Variants in RBM6 observed in about 807,000 individuals in gnomAD.
RBM6 encodes the protein RNA binding motif protein 6.
RBM6 carries 23 observed loss-of-function variants against 140.4 expected under a neutral mutation model. The observed-to-expected ratio is 0.16, with a 90% CI of 0.12 to 0.23. The LOEUF is 0.23. Among genes scored for constraint, RBM6 ranks in the 10% least tolerant of loss-of-function variants. RBM6 has a pLI of 1.00. For missense variants in RBM6, 1,139 were observed against 1,386.7 expected, an observed-to-expected ratio of 0.82 and a Z score of 2.84; for synonymous variants, 439 against 475.6, an observed-to-expected ratio of 0.92 and a Z score of 1.00.
At chr3:49,942,114 A>T (rs1406715796) in intron 1 of RBM6, among the ~76,000 whole-genome samples, 1 of 149,702 alleles carries the variant, frequency 6.7e-6, no homozygotes, top group Non-Finnish European at 1.5e-5. Flanking sequence ...AAAAAAAATC[A>T]ATTAAATAAA....
rs1308326489 is a variant in RBM6, at chr3:50,040,464, AAAAAAAAAT to A, written c.1558-7779_1558-7771del. Among the ~76,000 whole-genome samples the A allele has an allele frequency of 9.7e-4, 51 of 52,646 alleles. No individual in the cohort carries two copies. In the East Asian group the frequency reaches 0.017, roughly 17 times the overall value. 34.5% of individuals were successfully genotyped at this position (52,646 alleles called of 152,430 possible). A position where few individuals can be genotyped will look rare whatever the true frequency, so the allele number is the denominator to read the frequency against. Reference sequence around the variant, plus strand: ...CCTTCTCAAAAAAAAAAAAAAAAAAAAAAAAAAATATATATATATATATATATATACACA... The same window carrying A: ...CCTTCTCAAAAAAAAAAAAAAAAAAAATATATATATATATATATATACACA... On this transcript the variant is annotated intron_variant, in intron 6 of 20. Transcript: ENST00000266022.
chr3:50,059,595 T>C lies in RBM6; in HGVS notation c.2131-54T>C, dbSNP rs759390589. The C allele has an allele frequency of 3.5e-6, 5 of 1,443,382 alleles. No homozygotes were observed. The African/African-American group carries it at 4.3e-5, about 12-fold the overall frequency. 89.4% of individuals were successfully genotyped at this position (1,443,382 alleles called of 1,614,324 possible). On this transcript the variant is annotated intron_variant, in intron 10 of 20. Transcript: ENST00000266022. ...TCTCTTTCAAAGGAGAATTTTTCTG[T>C]CTTTGGGTTCTGGCATTTTCTGTCT...
At chr3:50,011,634 T>C (rs1229714352) in intron 6 of RBM6, among the ~76,000 whole-genome samples, 1 of 152,134 alleles carries the variant, frequency 6.6e-6, no homozygotes, top group Non-Finnish European at 1.5e-5. Context: ...TCAAGCAGCA[T>C]TGACACTATG....
chr3:50,035,552 G>T (rs556574108), intron 6 of RBM6, among the ~76,000 whole-genome samples: 1 of 151,790 alleles, frequency 6.6e-6, no homozygotes, highest in South Asian at 2.1e-4. Context: ...CATGGTGGCG[G>T]GTGCCTGTAG....
At chr3:50,054,489 T>A in intron 8 of RBM6, 94 bp downstream of exon 8, 3 of 1,078,216 alleles carry the variant, frequency 2.8e-6, no homozygotes, top group South Asian at 1.3e-5. Context: ...CATCCCTAAA[T>A]CCAAGTTGAT....
In RBM6 at chr3:50,070,528, T is replaced by A; in HGVS notation, c.3092T>A (p.Ile1031Asn). The change falls in exon 19 of 21, where the codon ATT becomes AAT. Residue 1031 changes from isoleucine (I) to asparagine (N), a missense_variant. By Grantham distance (149) the Ile-to-Asn change is moderately radical (BLOSUM62 -3). Coordinates refer to ENST00000266022, the MANE Select transcript of RBM6 (RefSeq NM_005777.3). ...TTTGACTCTCCAGAAAGGAAACGGA[T>A]TAAGTACTCCAGGGAAACTGACAGG... Reference protein sequence around the residue: ...QSFDSPERKRIKYSRETDSDR... With the variant: ...QSFDSPERKRNKYSRETDSDR... 1 of 1,613,606 alleles carries A rather than the reference T, an allele frequency of 6.2e-7. No individual in the cohort carries two copies.
chr3:49,948,099 T>TA (rs991849050), intron 1 of RBM6, among the ~76,000 whole-genome samples: 10 of 148,746 alleles, frequency 6.7e-5, no homozygotes, highest in Admixed American at 2.0e-4. Context: ...GAATCTGTCT[T>TA]AAAAAAAAAA....
chr3:49,960,025 T>G (rs1413754064), intron 1 of RBM6, among the ~76,000 whole-genome samples: 1 of 152,230 alleles, frequency 6.6e-6, no homozygotes, highest in Admixed American at 6.6e-5. Flanking sequence ...CAAGTGCCTG[T>G]TAGTCTGTAG....
intron 5 of RBM6, among the ~76,000 whole-genome samples, chr3:49,999,021 T>TC (rs2086206933): frequency 6.6e-6 from 1 of 151,768 alleles, no homozygotes; most frequent in Non-Finnish European, 1.5e-5. Flanking sequence ...TGCTTTTTTT[T>TC]CTTCTCTCGG....
intron 11 of RBM6, 132 bp from the exon 12 acceptor site, chr3:50,060,824 C>T (rs2089909631): frequency 1.4e-6 from 1 of 713,078 alleles, no homozygotes; most frequent in South Asian, 3.5e-5. Context: ...ACCCAACCTG[C>T]TTGCTGTCTA....
intron 3 of RBM6, among the ~76,000 whole-genome samples, chr3:49,971,593 A>G (rs1174751634): frequency 6.6e-6 from 1 of 151,646 alleles, no homozygotes; most frequent in African/African-American, 2.4e-5. Context: ...GCTGGAGTGC[A>G]GTGGCACAAT....
rs2083776668 is a variant in RBM6, at chr3:49,952,432, C to T, written c.-66-10144C>T. On this transcript the variant is annotated intron_variant, in intron 1 of 20. Transcript: ENST00000266022. ...CTGCCCACTTCAGCCTTCTGAAGTGCTGGGATTAAAGACATGAGCACTGTG... is the reference window on the plus strand; with the variant it reads ...CTGCCCACTTCAGCCTTCTGAAGTGTTGGGATTAAAGACATGAGCACTGTG... 2.0e-5 allele frequency among the ~76,000 whole-genome samples: 3 copies of T among 151,542 alleles called. No homozygotes were observed. The South Asian group carries it at 6.2e-4, about 32-fold the overall frequency.
intron 1 of RBM6, among the ~76,000 whole-genome samples, chr3:49,945,593 C>T (rs1463828688): frequency 6.6e-6 from 1 of 151,852 alleles, no homozygotes; most frequent in African/African-American, 2.4e-5. Flanking sequence ...TAGAAGATAT[C>T]ATAAGGGGCT....
intron 6 of RBM6, among the ~76,000 whole-genome samples, chr3:50,044,225 C>T (rs1360498261): frequency 6.6e-6 from 1 of 152,132 alleles, no homozygotes; most frequent in African/African-American, 2.4e-5. Flanking sequence ...AGACACATGG[C>T]TTTCATGACT....
intron 5 of RBM6, among the ~76,000 whole-genome samples, chr3:49,986,425 T>C (rs2085557699): frequency 6.6e-6 from 1 of 151,592 alleles, no homozygotes. Flanking sequence ...AAACCCCATC[T>C]GTACTAAAAA....
At chr3:50,050,311 A>T (rs535911149) in intron 7 of RBM6, among the ~76,000 whole-genome samples, 2 of 152,216 alleles carry the variant, frequency 1.3e-5, no homozygotes, top group Non-Finnish European at 2.9e-5. Flanking sequence ...TATAAATGGA[A>T]TCAAAATATG....
At chr3:50,024,521 A>G (rs1049545597) in intron 6 of RBM6, among the ~76,000 whole-genome samples, 1 of 152,144 alleles carries the variant, frequency 6.6e-6, no homozygotes, top group African/African-American at 2.4e-5. Context: ...ATCACAAAAG[A>G]TGTATTCTTT....
At chr3:50,032,440 T>C (rs2088227085) in intron 6 of RBM6, among the ~76,000 whole-genome samples, 1 of 142,054 alleles carries the variant, frequency 7.0e-6, no homozygotes, top group Non-Finnish European at 1.5e-5. Flanking sequence ...GCGAAGGTCG[T>C]GCCATTGCGC....
chr3:50,059,365 A>T (rs1367190691), intron 10 of RBM6: 1 of 222,672 alleles, frequency 4.5e-6, no homozygotes. Flanking sequence ...TTGTAAACTG[A>T]ATCTGATTGA....
Sources: gnomAD v4.1 joint callset for allele counts (sites outside exome capture counted in the v4.1 genomes callset) on GRCh38, gnomAD v4.1.1 for gene constraint, MANE v1.5 for transcripts, NCBI Gene and HGNC (gene_info 2026-07-23, HGNC 2026-07-21) for gene names.